Variants in M1AP observed in about 807,000 individuals in gnomAD.
M1AP encodes meiosis 1 arrest protein.
In M1AP, 39 loss-of-function variants were observed where a neutral mutation model predicts 51.2. The ratio of observed to expected loss-of-function variants is 0.76; its 90% CI spans 0.59 to 1.00. The LOEUF is 1.00. M1AP is among the 50% of genes least tolerant of loss of function. The pLI is 0.00. For synonymous variants in M1AP, 251 were observed against 249.2 expected, an observed-to-expected ratio of 1.01 and a Z score of -0.07; for missense variants, 545 against 641.2, an observed-to-expected ratio of 0.85 and a Z score of 1.62.
chr2:74,591,942 C>T (rs530847281), intron 4 of M1AP, among the ~76,000 whole-genome samples: 10 of 152,104 alleles, frequency 6.6e-5, no homozygotes, highest in South Asian at 4.2e-4. Context: ...CCCACCACCA[C>T]GCCTGGCTAA....
intron 3 of M1AP, among the ~76,000 whole-genome samples, chr2:74,612,646 C>T (rs920482397): frequency 2.6e-5 from 4 of 151,906 alleles, no homozygotes; most frequent in Non-Finnish European, 5.9e-5. Context: ...TTGATGTAGG[C>T]GTTTATTGCT....
At chr2:74,587,917 C>T (rs983843160) in intron 4 of M1AP, among the ~76,000 whole-genome samples, 1 of 152,046 alleles carries the variant, frequency 6.6e-6, no homozygotes, top group Non-Finnish European at 1.5e-5. Context: ...TAGGTAATAC[C>T]TGAAGTAGAC....
chr2:74,561,985 T>G, intron 8 of M1AP: 1 of 985,390 alleles, frequency 1.0e-6, no homozygotes, highest in Non-Finnish European at 1.2e-6. Context: ...AGTTTTTTGT[T>G]CTCAAACCTC....
intron 1 of M1AP, chr2:74,647,927 C>A (rs1304775081): frequency 6.6e-6 from 5 of 756,070 alleles, no homozygotes; most frequent in East Asian, 1.3e-4. Context: ...AAAAAAAATT[C>A]TCGTGGCTCC....
At chr2:74,623,241 C>T (rs909213278) in intron 2 of M1AP, among the ~76,000 whole-genome samples, 2 of 152,034 alleles carry the variant, frequency 1.3e-5, no homozygotes, top group African/African-American at 2.4e-5. Flanking sequence ...CAGTGGCTCA[C>T]GCCTGTAATC....
At chr2:74,588,227 A>T (rs1234231953) in intron 4 of M1AP, among the ~76,000 whole-genome samples, 1 of 152,160 alleles carries the variant, frequency 6.6e-6, no homozygotes, top group Non-Finnish European at 1.5e-5. Context: ...GAAATTATAT[A>T]CAATTCATCT....
Position 74,620,435 on chromosome 2 carries a change from C to A in M1AP, c.241-5286G>T, listed in dbSNP as rs1430590987. ...AGCATTAAATGACCCCATGCCCAAA[C>A]AACCTGCTGAACAACCCCCACCTAA... On this transcript the variant is annotated intron_variant, in intron 2 of 10. Transcript: ENST00000421985. 2.6e-5 allele frequency among the ~76,000 whole-genome samples: 4 copies of A among 152,340 alleles called. No individual in the cohort carries two copies. In the East Asian group the frequency reaches 5.8e-4, roughly 22 times the overall value.
chr2:74,615,262 AT>A, intron 2 of M1AP, 113 bp from the exon 3 acceptor site: 1 of 953,266 alleles, frequency 1.0e-6, no homozygotes, highest in Non-Finnish European at 1.6e-6. Context: ...CTTCCTGAAA[AT>A]TTATTTGACC....
intron 4 of M1AP, among the ~76,000 whole-genome samples, chr2:74,602,245 T>C (rs555944306): frequency 9.9e-5 from 15 of 152,252 alleles, no homozygotes; most frequent in African/African-American, 3.4e-4. Flanking sequence ...TCAAAAAACA[T>C]TTATTGAGAA....
chr2:74,645,186 T>A (rs1683531173), intron 1 of M1AP, among the ~76,000 whole-genome samples: 1 of 151,752 alleles, frequency 6.6e-6, no homozygotes, highest in East Asian at 1.9e-4. Context: ...GCTGTAACAC[T>A]CACTGCAAAG....
At chr2:74,620,604 G>A (rs1024608692) in intron 2 of M1AP, 3 of 188,034 alleles carry the variant, frequency 1.6e-5, no homozygotes, top group Non-Finnish European at 2.3e-5. Context: ...GAAAAGAGAA[G>A]CAGAGGCCAG....
Position 74,562,432 on chromosome 2 carries a change from A to G in M1AP, c.1075-9T>C. 1.2e-6 allele frequency: 2 copies of G among 1,614,072 alleles called. No individual in the cohort carries two copies. The highest frequency in any genetic ancestry group is 1.1e-5 in the South Asian group (1 of 91,066). ...AGCAGCCATTCCCTTTTCTGAAACA[A>G]GGACATACAGAAATACTGGTTCATC... On this transcript the variant is annotated splice_polypyrimidine_tract_variant and intron_variant, in intron 7 of 10. Coordinates refer to ENST00000421985, the MANE Select transcript of M1AP (RefSeq NM_001321739.2).
At chr2:74,626,398 C>T (rs548922900) in intron 2 of M1AP, among the ~76,000 whole-genome samples, 16 of 151,624 alleles carry the variant, frequency 1.1e-4, no homozygotes, top group African/African-American at 3.4e-4. Flanking sequence ...ATTACAGTTG[C>T]AGGCCACCAT....
At chr2:74,596,967 G>A (rs1680377665) in intron 4 of M1AP, among the ~76,000 whole-genome samples, 1 of 152,208 alleles carries the variant, frequency 6.6e-6, no homozygotes, top group Non-Finnish European at 1.5e-5. Context: ...GATGGATGGA[G>A]TGTAAAGGGG....
chr2:74,586,431 G>A (rs1052934314), intron 4 of M1AP, among the ~76,000 whole-genome samples: 4 of 152,064 alleles, frequency 2.6e-5, no homozygotes, highest in Non-Finnish European at 4.4e-5. Flanking sequence ...TAGTCTCCTT[G>A]CCACATGACT....
intron 5 of M1AP, among the ~76,000 whole-genome samples, chr2:74,578,226 AC>A (rs1301525371): frequency 6.6e-6 from 1 of 152,218 alleles, no homozygotes; most frequent in African/African-American, 2.4e-5. Flanking sequence ...CCCCAGACCA[AC>A]TGAATCAGGG....
intron 1 of M1AP, among the ~76,000 whole-genome samples, chr2:74,646,709 T>A (rs1397373690): frequency 6.6e-6 from 1 of 152,200 alleles, no homozygotes; most frequent in Non-Finnish European, 1.5e-5. Flanking sequence ...ATGTTTCTAA[T>A]GTTTTAAGTT....
intron 2 of M1AP, among the ~76,000 whole-genome samples, chr2:74,616,102 A>G (rs1337353173): frequency 2.0e-5 from 3 of 152,236 alleles, no homozygotes; most frequent in Admixed American, 2.0e-4. Context: ...GGAATTGCAT[A>G]TAATTCTTAC....
intron 9 of M1AP, 81 bp downstream of exon 9, chr2:74,560,070 G>C (rs1288356410): frequency 4.7e-6 from 7 of 1,490,510 alleles, no homozygotes; most frequent in Non-Finnish European, 6.4e-6. Flanking sequence ...GTTGGGATGG[G>C]GGAGGAGGGT....
Sources: allele counts gnomAD v4.1 joint callset (sites outside exome capture counted in the v4.1 genomes callset), GRCh38; gene constraint gnomAD v4.1.1; transcripts MANE v1.5; gene names NCBI Gene and HGNC (gene_info 2026-07-23, HGNC 2026-07-21).